The following FOXA3 variants were observed in gnomAD, a reference collection of about 807,000 sequenced individuals.
FOXA3 encodes the protein hepatocyte nuclear factor 3-gamma.
A neutral mutation model predicts 16.9 loss-of-function variants in FOXA3; 11 were observed. The ratio of observed to expected loss-of-function variants is 0.65; its 90% CI spans 0.41 to 1.08. The LOEUF is 1.08. Ranked by LOEUF, FOXA3 falls within the 50% of genes least tolerant of loss-of-function variation. The pLI is 0.00. For missense variants in FOXA3, 423 were observed against 470.1 expected, an observed-to-expected ratio of 0.90 and a Z score of 0.93; for synonymous variants, 217 against 203.3, an observed-to-expected ratio of 1.07 and a Z score of -0.57.
Position 45,873,596 on chromosome 19 carries a change from C to T in FOXA3, c.*538C>T, listed in dbSNP as rs987482589. 1.2e-5 allele frequency: 2 copies of T among 162,760 alleles called. No individual in the cohort carries two copies. Among genetic ancestry groups the T allele is most frequent in the African/African-American group, 4.8e-5 (2 of 41,682 alleles). The allele number at this position is 162,760 out of a possible 1,614,324, so 10.1% of individuals were successfully genotyped here. On this transcript the variant is annotated 3_prime_UTR_variant, in exon 2 of 2. Coordinates refer to ENST00000302177, the MANE Select transcript of FOXA3 (RefSeq NM_004497.3). ...GTGTTGGCCATGTCGTCACCATTCT[C>T]TCTGGCATGGGTTGGGTAGGGGATG... is the stretch of plus-strand genomic sequence containing the variant.
At position 45,872,944 on chromosome 19, in the gene FOXA3, G is replaced by C. The variant is rs150205438; in HGVS notation, c.939G>C (p.Gln313His). The C allele has an allele frequency of 2.5e-4, 397 of 1,614,144 alleles. 2 individuals are homozygous for C. In the East Asian group the frequency reaches 8.6e-3, roughly 35 times the overall value. ...PFSINNLMSE[Q>H]TPAPPKLDVG... The stretch of plus-strand genomic sequence containing the variant: ...CCATCAACAACCTAATGTCAGAACA[G>C]ACACCAGCACCTCCCAAACTGGACG... Residue 313 changes from glutamine to histidine, a missense_variant, in exon 2 of 2, where the codon CAG becomes CAC. Physicochemically the swap from Gln to His is conservative, Grantham distance 24 (BLOSUM62 0). This residue lies in a region of FOXA3 where 168 missense variants were observed against 179.3 expected (regional missense o/e 0.94). Coordinates refer to ENST00000302177, the MANE Select transcript of FOXA3 (RefSeq NM_004497.3). The surrounding 1 kb of genome is among the most constrained non-coding windows in gnomAD (Gnocchi z 4.5).
chr19:45,864,557 T>TG, intron 1 of FOXA3, 32 bp downstream of exon 1: 1 of 1,488,634 alleles, frequency 6.7e-7, no homozygotes, highest in Non-Finnish European at 9.0e-7. Context: ...AGCGGGAAGT[T>TG]GGGGGCAGGT....
In FOXA3 at chr19:45,867,337, T is replaced by TGG. The variant is rs571333145; in HGVS notation, c.69+2816_69+2817dup. ...CCACCAACCAGCGGGAGAGCCTGCA[T>TGG]GGGGGAAGGGAGTAACTGTGGCTGC... is the stretch of plus-strand genomic sequence containing the variant. On this transcript the variant is annotated intron_variant, in intron 1 of 1. Coordinates refer to ENST00000302177, the MANE Select transcript of FOXA3 (RefSeq NM_004497.3). Among the ~76,000 whole-genome samples the TGG allele has an allele frequency of 2.6e-5, 4 of 151,720 alleles. No homozygotes were observed. In the South Asian group the frequency reaches 8.3e-4, roughly 32 times the overall value.
chr19:45,867,048 C>A (rs539067614), intron 1 of FOXA3, among the ~76,000 whole-genome samples: 2 of 152,278 alleles, frequency 1.3e-5, no homozygotes, highest in East Asian at 3.9e-4. Flanking sequence ...TTCATCCCAG[C>A]CCCGGGGCGT....
In FOXA3 at chr19:45,873,360, T is replaced by C. The variant is rs16980100; in HGVS notation, c.*302T>C. On this transcript the variant is annotated 3_prime_UTR_variant, in exon 2 of 2. Coordinates refer to ENST00000302177, the MANE Select transcript of FOXA3 (RefSeq NM_004497.3). Reference sequence around the variant, plus strand: ...ATCTCGGTTGGCCCTTTGGGTGTGATGGTGATAGCATTTCAGTGACATCTT... The same window carrying C: ...ATCTCGGTTGGCCCTTTGGGTGTGACGGTGATAGCATTTCAGTGACATCTT... 2,476 of 444,556 alleles carry C rather than the reference T, an allele frequency of 5.6e-3. 46 individuals carry two copies. Among genetic ancestry groups the C allele is most frequent in the African/African-American group, 0.044 (2,236 of 50,780 alleles). 27.5% of individuals were successfully genotyped at this position (444,556 alleles called of 1,614,324 possible).
chr19:45,872,328 G>T lies in FOXA3; in HGVS notation c.323G>T (p.Gly108Val), dbSNP rs1600551331. Reference protein sequence around the residue: ...GLVHGKEMPKGYRRPLAHAKP... With the variant: ...GLVHGKEMPKVYRRPLAHAKP... Reference sequence around the variant, plus strand: ...GTGCACGGGAAGGAGATGCCGAAGGGGTATCGGCGGCCCCTGGCACACGCC... The same window carrying T: ...GTGCACGGGAAGGAGATGCCGAAGGTGTATCGGCGGCCCCTGGCACACGCC... The change falls in exon 2 of 2, where the codon GGG becomes GTG. Residue 108 changes from glycine (G) to valine (V), a missense_variant. By Grantham distance (109) the Gly-to-Val change is moderately radical. Coordinates refer to ENST00000302177, the MANE Select transcript of FOXA3 (RefSeq NM_004497.3). The surrounding 1 kb of genome is among the most constrained non-coding windows in gnomAD (Gnocchi z 4.5). The T allele has an allele frequency of 1.2e-6, 2 of 1,614,120 alleles. 1 individual carries two copies. Among genetic ancestry groups the T allele is most frequent in the Admixed American group, 3.3e-5 (2 of 60,024 alleles).
chr19:45,872,819 G>C lies in FOXA3; in HGVS notation c.814G>C (p.Asp272His), dbSNP rs768531867. The C allele has an allele frequency of 3.7e-6, 6 of 1,612,536 alleles. No homozygotes were observed. The highest frequency in any genetic ancestry group is 5.1e-6 in the Non-Finnish European group (6 of 1,180,002). The change falls in exon 2 of 2, where the codon GAC (aspartate) becomes CAC (histidine). Residue 272 changes from aspartate (D) to histidine (H), a missense_variant. This residue lies in a region of FOXA3 where 168 missense variants were observed against 179.3 expected (regional missense o/e 0.94). Coordinates refer to ENST00000302177, the MANE Select transcript of FOXA3 (RefSeq NM_004497.3). The surrounding 1 kb of genome is among the most constrained non-coding windows in gnomAD (Gnocchi z 4.5). ...GGGCGGGGAAGATGTGGGGGCTCTGGACTGTGGCTCACCCGCTTCCTCCAC... is the reference window on the plus strand; with the variant it reads ...GGGCGGGGAAGATGTGGGGGCTCTGCACTGTGGCTCACCCGCTTCCTCCAC... ...AQGGEDVGAL[D>H]CGSPASSTPY...
Position 45,872,327 on chromosome 19 carries a change from GGGT to G in FOXA3, c.323_325del (p.Gly108_Tyr109delinsAsp). On this transcript the variant is annotated inframe_deletion, in exon 2 of 2. Transcript: ENST00000302177. This position sits in a 1 kb window ranked among gnomAD's most constrained non-coding sequence, Gnocchi z 4.5. The stretch of plus-strand genomic sequence containing the variant: ...GGTGCACGGGAAGGAGATGCCGAAG[GGGT>G]ATCGGCGGCCCCTGGCACACGCCAA... 6.2e-7 allele frequency: 1 copy of G among 1,614,162 alleles called. No individual in the cohort carries two copies. The highest frequency in any genetic ancestry group is 8.5e-7 in the Non-Finnish European group (1 of 1,179,992).
In FOXA3 at chr19:45,872,549, C is replaced by A. The variant is rs1207096325; in HGVS notation, c.544C>A (p.Pro182Thr). 1.9e-6 allele frequency: 3 copies of A among 1,614,162 alleles called. No individual in the cohort carries two copies. In the South Asian group the frequency reaches 3.3e-5, roughly 18 times the overall value. Reference protein sequence around the residue: ...NDCFVKVARSPDKPGKGSYWA... With the variant: ...NDCFVKVARSTDKPGKGSYWA... Reference sequence around the variant, plus strand: ...CTGCTTCGTCAAGGTGGCGCGTTCCCCAGACAAGCCTGGCAAGGGCTCCTA... The same window carrying A: ...CTGCTTCGTCAAGGTGGCGCGTTCCACAGACAAGCCTGGCAAGGGCTCCTA... The change falls in exon 2 of 2, where the codon CCA becomes ACA. Residue 182 changes from proline to threonine, a missense_variant. Physicochemically the swap from Pro to Thr is conservative, Grantham distance 38 (BLOSUM62 -1). Coordinates refer to ENST00000302177, the MANE Select transcript of FOXA3 (RefSeq NM_004497.3). This position sits in a 1 kb window ranked among gnomAD's most constrained non-coding sequence, Gnocchi z 4.5.
rs555791650 is a variant in FOXA3 at position 45,868,955 on chromosome 19, G to A, written c.70-3120G>A. On this transcript the variant is annotated intron_variant, in intron 1 of 1. Coordinates refer to ENST00000302177, the MANE Select transcript of FOXA3 (RefSeq NM_004497.3). ...TATGATTATTATTTTTTGAGATGGA[G>A]TCTTGCTCTGTTGCCCAGGCTGGAG... is the stretch of plus-strand genomic sequence containing the variant. Among the ~76,000 whole-genome samples, 4 of 152,204 alleles carry A rather than the reference G, an allele frequency of 2.6e-5. No individual in the cohort carries two copies. In the East Asian group the frequency reaches 7.7e-4, roughly 29 times the overall value.
At chr19:45,866,305 G>A (rs1000822757) in intron 1 of FOXA3, among the ~76,000 whole-genome samples, 1 of 152,050 alleles carries the variant, frequency 6.6e-6, no homozygotes, top group Non-Finnish European at 1.5e-5. Context: ...TACTTGGTTG[G>A]GAGGCTGAGG....
chr19:45,872,852 T>C lies in FOXA3; in HGVS notation c.847T>C (p.Phe283Leu), dbSNP rs1029632389. 1.1e-5 allele frequency: 17 copies of C among 1,613,578 alleles called. No individual in the cohort carries two copies. Among genetic ancestry groups the C allele is most frequent in the African/African-American group, 1.3e-5 (1 of 74,870 alleles). Residue 283 changes from phenylalanine to leucine, a missense_variant, in exon 2 of 2, where the codon TTC becomes CTC. Coordinates refer to ENST00000302177, the MANE Select transcript of FOXA3 (RefSeq NM_004497.3). This position sits in a 1 kb window ranked among gnomAD's most constrained non-coding sequence, Gnocchi z 4.5. ...CTCACCCGCTTCCTCCACACCCTAT[T>C]TCACTGGCCTGGAGCTCCCAGGGGA... ...CGSPASSTPY[F>L]TGLELPGELK... is the part of the protein sequence containing the mutation.
intron 1 of FOXA3, among the ~76,000 whole-genome samples, chr19:45,868,635 C>A (rs568650968): frequency 6.8e-5 from 10 of 147,982 alleles, no homozygotes; most frequent in Non-Finnish European, 1.3e-4. Flanking sequence ...ATCCAGTTAA[C>A]TCACATTTGG....
intron 1 of FOXA3, among the ~76,000 whole-genome samples, chr19:45,864,913 T>C (rs1234028311): frequency 6.6e-6 from 1 of 151,694 alleles, no homozygotes; most frequent in Non-Finnish European, 1.5e-5. Flanking sequence ...GGTTCAAAGT[T>C]GGAGGGAAAG....
At position 45,864,456 on chromosome 19, in the gene FOXA3, G is replaced by C. The variant is rs776599578; in HGVS notation, c.-1G>C. On this transcript the variant is annotated 5_prime_UTR_variant, in exon 1 of 2. Coordinates refer to ENST00000302177, the MANE Select transcript of FOXA3 (RefSeq NM_004497.3). ...GGCGGGTGGGGGCGTAAGCCCGGGG[G>C]ATGCTGGGCTCAGTGAAGATGGAGG... 9 of 1,480,184 alleles carry C rather than the reference G, an allele frequency of 6.1e-6. No homozygotes were observed. In the Middle Eastern group the frequency reaches 1.8e-3, roughly 292 times the overall value. The allele number at this position is 1,480,184 out of a possible 1,614,324, so 91.7% of individuals were successfully genotyped here.
chr19:45,868,661 C>T (rs61220144), intron 1 of FOXA3, among the ~76,000 whole-genome samples: 4,054 of 151,140 alleles, frequency 0.027, 177 homozygotes, highest in African/African-American at 0.092. Context: ...CTAGCCAGTG[C>T]TGTATATAGC....
Position 45,872,200 on chromosome 19 carries a change from G to A in FOXA3, c.195G>A (p.Leu65=). Residue 65 remains leucine (L), a synonymous_variant, in exon 2 of 2, where the codon CTG becomes CTA. Coordinates refer to ENST00000302177, the MANE Select transcript of FOXA3 (RefSeq NM_004497.3). This position sits in a 1 kb window ranked among gnomAD's most constrained non-coding sequence, Gnocchi z 4.5. The part of the protein sequence containing the change: ...LPASPLPSGP[L]APPAPAAPLG... ...CCTCCCCACTGCCCTCAGGACCCCT[G>A]GCACCCCCAGCACCTGCAGCCCCCC... 6.3e-7 allele frequency: 1 copy of A among 1,597,364 alleles called. No individual in the cohort carries two copies. The highest frequency in any genetic ancestry group is 8.5e-7 in the Non-Finnish European group (1 of 1,170,294).
intron 1 of FOXA3, among the ~76,000 whole-genome samples, chr19:45,868,519 G>A (rs1271710674): frequency 6.6e-6 from 1 of 150,530 alleles, no homozygotes; most frequent in Non-Finnish European, 1.5e-5. Flanking sequence ...GGCAGAAGTT[G>A]CAGTGAGCTG....
Position 45,864,505 on chromosome 19 carries a change from T to C in FOXA3, c.49T>C (p.Tyr17His). The change falls in exon 1 of 2, where the codon TAC becomes CAC. Residue 17 changes from tyrosine (Y) to histidine (H), a missense_variant. By Grantham distance (83) the Tyr-to-His change is moderately conservative. Around this residue, in one of 3 missense-constraint regions of FOXA3, gnomAD observed 170 missense variants for 153.9 expected, o/e 1.10. Coordinates refer to ENST00000302177, the MANE Select transcript of FOXA3 (RefSeq NM_004497.3). Reference protein sequence around the residue: ...MEAHDLAEWSYYPEAGEVYSP... With the variant: ...MEAHDLAEWSHYPEAGEVYSP... Reference sequence around the variant, plus strand: ...GGCCCATGACCTGGCCGAGTGGAGCTACTACCCGGAGGCGGGCGAGGTGTG... The same window carrying C: ...GGCCCATGACCTGGCCGAGTGGAGCCACTACCCGGAGGCGGGCGAGGTGTG... 6.4e-7 allele frequency: 1 copy of C among 1,550,414 alleles called. No homozygotes were observed. Among genetic ancestry groups the C allele is most frequent in the South Asian group, 1.2e-5 (1 of 82,474 alleles).
Sources: allele counts gnomAD v4.1 joint callset (sites outside exome capture counted in the v4.1 genomes callset), GRCh38; gene constraint gnomAD v4.1.1; regional missense constraint gnomAD v4.1.1; non-coding constraint Gnocchi (gnomAD v3.1); transcripts MANE v1.5; gene names NCBI Gene and HGNC (gene_info 2026-07-23, HGNC 2026-07-21).